Variants in FYB2 observed in about 807,000 individuals in gnomAD.
FYB2 encodes FYN binding protein 2, also known as FYN-binding protein 2.
Under a neutral mutation model 94.1 loss-of-function variants are expected in FYB2, and 103 were observed. The observed-to-expected ratio is 1.09, with a 90% CI of 0.93 to 1.29. FYB2 has a LOEUF of 1.29. FYB2 is among the 50% of genes most tolerant of loss of function. The pLI, the probability that FYB2 is intolerant of heterozygous loss-of-function variation, is 0.00. For missense variants in FYB2, 896 were observed against 841.5 expected (o/e 1.06, Z -0.80); for synonymous variants, 293 against 287.9 (o/e 1.02, Z -0.18).
intron 5 of FYB2, among the ~76,000 whole-genome samples, chr1:56,764,480 C>G (rs1645575376): frequency 6.6e-6 from 1 of 151,410 alleles, no homozygotes; most frequent in Admixed American, 6.6e-5. Flanking sequence ...AAGTCATTGA[C>G]TCTTTTGTCC....
At chr1:56,723,469 T>C in intron 17 of FYB2, 119 bp downstream of exon 17, 1 of 546,016 alleles carries the variant, frequency 1.8e-6, no homozygotes, top group Non-Finnish European at 3.2e-6. Flanking sequence ...GCTTTTTGTG[T>C]CAAAGATCAT....
the FYB2 span, chr1:56,824,910 C>A: frequency 6.6e-6 from 1 of 152,368 alleles, no homozygotes; most frequent in East Asian, 1.9e-4. Context: ...TGGATGAAGA[C>A]AAGCCATTTG....
At position 56,819,371 on chromosome 1, in the gene FYB2, T is replaced by C; in HGVS notation, c.-81A>G. The C allele has an allele frequency of 1.9e-6, 3 of 1,580,832 alleles. No individual in the cohort carries two copies. The highest frequency in any genetic ancestry group is 8.7e-7 in the Non-Finnish European group (1 of 1,151,808). On this transcript the variant is annotated 5_prime_UTR_variant, in exon 1 of 20. Coordinates refer to ENST00000343433, the MANE Select transcript of FYB2 (RefSeq NM_001004303.5). ...CTGGGGCCAACAATCCGCTTTCCTC[T>C]GTCTCTGCTAGCCAGGGAGCAATCA...
chr1:56,744,445 G>T (rs1234413175), intron 9 of FYB2, among the ~76,000 whole-genome samples, 179 bp from the exon 10 acceptor site: 1 of 151,978 alleles, frequency 6.6e-6, no homozygotes, highest in Admixed American at 6.6e-5. Context: ...TAGAGCCTCA[G>T]TTATGATTCT....
rs1049414545 is a variant in FYB2 at position 56,720,221 on chromosome 1, C to A, written c.2083G>T (p.Asp695Tyr). The change falls in exon 18 of 20, where the codon GAT (aspartate) becomes TAT (tyrosine). Residue 695 changes from aspartate to tyrosine, a missense_variant. By Grantham distance (160) the Asp-to-Tyr change is radical (BLOSUM62 -3). Transcript: ENST00000343433. The part of the protein sequence containing the change: ...ISPGEELEVI[D>Y]TTEQNLVICR... Reference sequence around the variant, plus strand: ...ATCACTAGATTTTGTTCGGTGGTATCAATGACTTCCAATTCTTCTCCAGGA... The same window carrying A: ...ATCACTAGATTTTGTTCGGTGGTATAAATGACTTCCAATTCTTCTCCAGGA... 16 of 1,611,888 alleles carry A rather than the reference C, an allele frequency of 9.9e-6. No individual in the cohort carries two copies. Among genetic ancestry groups the A allele is most frequent in the Middle Eastern group, 1.7e-4 (1 of 6,058 alleles).
intron 4 of FYB2, among the ~76,000 whole-genome samples, chr1:56,778,832 A>T (rs1645943039): frequency 1.3e-5 from 2 of 152,178 alleles, no homozygotes; most frequent in African/African-American, 4.8e-5. Flanking sequence ...ACTAAAATAT[A>T]TACTTAATGA....
chr1:56,729,002 C>T (rs1273797444), intron 15 of FYB2, among the ~76,000 whole-genome samples: 2 of 152,050 alleles, frequency 1.3e-5, no homozygotes, highest in Non-Finnish European at 2.9e-5. Flanking sequence ...ACAGCATATC[C>T]GGTCTAAGGA....
At chr1:56,826,349 A>G in the FYB2 span, among the ~76,000 whole-genome samples, 1 of 152,212 alleles carries the variant, frequency 6.6e-6, no homozygotes, top group African/African-American at 2.4e-5. Context: ...TCTAATGCCT[A>G]CAGGGGCAAG....
Position 56,767,886 on chromosome 1 carries a change from A to T in FYB2, c.1006T>A (p.Tyr336Asn). Reference sequence around the variant, plus strand: ...ATGGAGTTGCCAGAGTGTCTCAGATATGAAATTGTTGCCTCGTAATTATGT... The same window carrying T: ...ATGGAGTTGCCAGAGTGTCTCAGATTTGAAATTGTTGCCTCGTAATTATGT... Reference protein sequence around the residue: ...EPHNYEATISYLRHSGNSINL... With the variant: ...EPHNYEATISNLRHSGNSINL... Residue 336 changes from tyrosine to asparagine, a missense_variant, in exon 5 of 20, where the codon TAT becomes AAT. By Grantham distance (143) the Tyr-to-Asn change is moderately radical. Coordinates refer to ENST00000343433, the MANE Select transcript of FYB2 (RefSeq NM_001004303.5). 6.2e-7 allele frequency: 1 copy of T among 1,612,394 alleles called. No individual in the cohort carries two copies. The highest frequency in any genetic ancestry group is 8.5e-7 in the Non-Finnish European group (1 of 1,179,454).
intron 3 of FYB2, among the ~76,000 whole-genome samples, chr1:56,788,719 T>C (rs564520375): frequency 6.6e-4 from 100 of 152,330 alleles, no homozygotes; most frequent in African/African-American, 2.4e-3. Context: ...TTCTGTTTTC[T>C]TCCTCTTGGA....
chr1:56,744,355 T>G, intron 9 of FYB2, 89 bp from the exon 10 acceptor site: 1 of 962,712 alleles, frequency 1.0e-6, no homozygotes, highest in East Asian at 2.5e-5. Context: ...GAGGCAAGCA[T>G]AAGAAAAGGC....
chr1:56,773,092 A>G (rs1344369923), intron 4 of FYB2, among the ~76,000 whole-genome samples: 1 of 152,180 alleles, frequency 6.6e-6, no homozygotes, highest in East Asian at 1.9e-4. Flanking sequence ...GTTAAAGATG[A>G]TTTACAAAAC....
chr1:56,726,543 T>A lies in FYB2; in HGVS notation c.1834A>T (p.Thr612Ser). 1 of 1,612,360 alleles carries A rather than the reference T, an allele frequency of 6.2e-7. No homozygotes were observed. Among genetic ancestry groups the A allele is most frequent in the Non-Finnish European group, 8.5e-7 (1 of 1,179,006 alleles). ...KLKMWKPKFL[T>S]PKEKKEKNGA... ...TTTTTCTCTTTTTTTTCCTTTGGTGTCAGAAACTTGGGCTTCCACATTTTC... is the reference window on the plus strand; with the variant it reads ...TTTTTCTCTTTTTTTTCCTTTGGTGACAGAAACTTGGGCTTCCACATTTTC... The change falls in exon 16 of 20, where the codon ACA becomes TCA. Residue 612 changes from threonine to serine, a missense_variant. Coordinates refer to ENST00000343433, the MANE Select transcript of FYB2 (RefSeq NM_001004303.5).
chr1:56,749,303 T>C (rs2100673064), intron 9 of FYB2, among the ~76,000 whole-genome samples: 1 of 151,974 alleles, frequency 6.6e-6, no homozygotes, highest in East Asian at 1.9e-4. Flanking sequence ...TATCCTTTTA[T>C]GGAATTCTGA....
At chr1:56,793,654 C>A (rs578230390) in intron 1 of FYB2, among the ~76,000 whole-genome samples, 44 of 143,280 alleles carry the variant, frequency 3.1e-4, no homozygotes, top group African/African-American at 9.7e-4. Context: ...GTGATGGAAT[C>A]ATTCATACAC....
At chr1:56,787,600 T>G (rs1646162330) in intron 3 of FYB2, among the ~76,000 whole-genome samples, 2 of 152,222 alleles carry the variant, frequency 1.3e-5, no homozygotes, top group Admixed American at 6.5e-5. Context: ...AAGCACTATT[T>G]AAGCCCTTTC....
chr1:56,778,068 T>C (rs1645923765), intron 4 of FYB2, among the ~76,000 whole-genome samples: 2 of 152,144 alleles, frequency 1.3e-5, no homozygotes, highest in Non-Finnish European at 2.9e-5. Flanking sequence ...CACTCTCCAA[T>C]CACACTGGCC....
At chr1:56,821,508 A>G (rs575715053), upstream of FYB2, among the ~76,000 whole-genome samples, 1 of 152,084 alleles carries the variant, frequency 6.6e-6, no homozygotes, top group Non-Finnish European at 1.5e-5. Flanking sequence ...GGGAAAGTCA[A>G]CTCTGAGATG....
At chr1:56,731,197 A>C (rs1001732714) in intron 15 of FYB2, among the ~76,000 whole-genome samples, 18 of 152,122 alleles carry the variant, frequency 1.2e-4, no homozygotes, top group African/African-American at 4.1e-4. Context: ...CTTGGTGAGC[A>C]CATCCCCAGA....
Sources: allele counts gnomAD v4.1 joint callset (sites outside exome capture counted in the v4.1 genomes callset), GRCh38; gene constraint gnomAD v4.1.1; transcripts MANE v1.5; gene names NCBI Gene and HGNC (gene_info 2026-07-23, HGNC 2026-07-21).